ZC3H12A: variants seen among roughly 807,000 people sequenced by gnomAD.
ZC3H12A encodes zinc finger CCCH-type containing 12A, also known as endoribonuclease ZC3H12A.
ZC3H12A carries 9 observed loss-of-function variants against 29.9 expected under a neutral mutation model. The ratio of observed to expected loss-of-function variants is 0.30; its 90% confidence interval spans 0.18 to 0.53. The LOEUF (loss-of-function observed/expected upper bound fraction) is 0.53, where lower values mean the gene tolerates loss of function less well. Ranked by LOEUF, ZC3H12A falls within the 20% of genes least tolerant of loss-of-function variation. ZC3H12A has a pLI of 0.96. For synonymous variants in ZC3H12A, 323 were observed against 338.1 expected (o/e 0.96, Z 0.49); for missense variants, 617 against 799.0 (o/e 0.77, Z 2.75).
chr1:37,481,877 A>AGACTTGGGGTCCACCTCT, intron 4 of ZC3H12A, 42 bp downstream of exon 4: 1 of 1,576,630 alleles, frequency 6.3e-7, no homozygotes, highest in Non-Finnish European at 8.6e-7. Flanking sequence ...TGGGGTCCAC[A>AGACTTGGGGTCCACCTCT]GGGGAAGCCA....
Position 37,475,684 on chromosome 1 carries a change from C to T in ZC3H12A, c.188C>T (p.Thr63Met), listed in dbSNP as rs373194979. 1.9e-4 allele frequency: 302 copies of T among 1,614,024 alleles called. 1 individual carries two copies. Among genetic ancestry groups the T allele is most frequent in the Non-Finnish European group, 2.3e-4 (273 of 1,180,052 alleles). Reference sequence around the variant, plus strand: ...TTCCGGAAGCTGGGCTATTCATCCACGGAGATCCACAGCGTCCTGCAGAAG... The same window carrying T: ...TTCCGGAAGCTGGGCTATTCATCCATGGAGATCCACAGCGTCCTGCAGAAG... ...DFFRKLGYSS[T>M]EIHSVLQKLG... is the part of the protein sequence containing the mutation. Residue 63 changes from threonine (T) to methionine (M), a missense_variant, in exon 2 of 6, where the codon ACG (threonine) becomes ATG (methionine). Around this residue, in one of 5 missense-constraint regions of ZC3H12A, gnomAD observed 255 missense variants for 402.5 expected, o/e 0.63. Coordinates refer to ENST00000373087, the MANE Select transcript of ZC3H12A (RefSeq NM_025079.3). This position sits in a 1 kb window ranked among gnomAD's most constrained non-coding sequence, Gnocchi z 5.2.
rs1218729028 is a variant in ZC3H12A, at chr1:37,475,285, T to G, written c.-38-174T>G. ...TAATGTCTGTGCCTCAGTTTCTCCC[T>G]TTATAGAATGGGAATGGGAATGCCT... On this transcript the variant is annotated intron_variant, in intron 1 of 5. Transcript: ENST00000373087. The surrounding 1 kb of genome is among the most constrained non-coding windows in gnomAD (Gnocchi z 5.2). Among the ~76,000 whole-genome samples the G allele has an allele frequency of 1.3e-5, 2 of 152,218 alleles. No individual in the cohort carries two copies. The highest frequency in any genetic ancestry group is 2.4e-5 in the African/African-American group (1 of 41,454).
Position 37,481,611 on chromosome 1 carries a change from C to A in ZC3H12A, c.594C>A (p.Ile198=), listed in dbSNP as rs1362687009. 1 of 1,614,070 alleles carries A rather than the reference C, an allele frequency of 6.2e-7. No individual in the cohort carries two copies. Among genetic ancestry groups the A allele is most frequent in the Non-Finnish European group, 8.5e-7 (1 of 1,180,030 alleles). ...RPDVPITDQH[I]LRELEKKKIL... Reference sequence around the variant, plus strand: ...CCCGTCACCTCCCAGACCAGCACATCCTGCGGGAACTGGAGAAGAAGAAGA... The same window carrying A: ...CCCGTCACCTCCCAGACCAGCACATACTGCGGGAACTGGAGAAGAAGAAGA... Residue 198 remains isoleucine, a synonymous_variant, in exon 4 of 6, where the codon ATC becomes ATA. Transcript: ENST00000373087.
Position 37,480,424 on chromosome 1 carries a change from T to C in ZC3H12A, c.578T>C (p.Ile193Thr). Reference sequence around the variant, plus strand: ...GAGCAGCCTCGGCCCGACGTGCCCATCACAGGTGAGTGGTGCCTCTGGAGG... The same window carrying C: ...GAGCAGCCTCGGCCCGACGTGCCCACCACAGGTGAGTGGTGCCTCTGGAGG... The part of the protein sequence containing the change: ...RKEQPRPDVP[I>T]TDQHILRELE... Residue 193 changes from isoleucine (I) to threonine (T), a missense_variant, in exon 3 of 6, where the codon ATC becomes ACC. Physicochemically the swap from Ile to Thr is moderately conservative, Grantham distance 89 (BLOSUM62 -1). This residue lies in a region of ZC3H12A where 255 missense variants were observed against 402.5 expected (regional missense o/e 0.63). Coordinates refer to ENST00000373087, the MANE Select transcript of ZC3H12A (RefSeq NM_025079.3). The C allele has an allele frequency of 6.2e-7, 1 of 1,612,126 alleles. No homozygotes were observed. The highest frequency in any genetic ancestry group is 8.5e-7 in the Non-Finnish European group (1 of 1,178,816).
In ZC3H12A at chr1:37,483,554, C is replaced by T. The variant is rs1208900142; in HGVS notation, c.1743C>T (p.Asp581=). The T allele has an allele frequency of 6.8e-5, 110 of 1,613,162 alleles. No individual in the cohort carries two copies. Among genetic ancestry groups the T allele is most frequent in the Non-Finnish European group, 9.1e-5 (107 of 1,179,852 alleles). ...AVMGRFPQLL[D]PQQLAAEILS... ...TGGGGCGCTTCCCACAGCTCCTGGA[C>T]CCCCAGCAGCTGGCTGCCGAGATCC... Residue 581 remains aspartate, a synonymous_variant, in exon 6 of 6, where the codon GAC becomes GAT. Coordinates refer to ENST00000373087, the MANE Select transcript of ZC3H12A (RefSeq NM_025079.3).
rs1451304050 is a variant in ZC3H12A, at chr1:37,482,766, C to T, written c.955C>T (p.Arg319Ter). Residue 319 changes from arginine (R) to a stop codon, truncating the protein, a stop_gained, in exon 6 of 6, where the codon CGA (arginine) becomes TGA (stop). Transcript: ENST00000373087. LOFTEE classifies it low-confidence loss of function (END_TRUNC). ...GRKCTYGIKC[R>*]FFHPERPSCP... ...GAAATGCACCTATGGGATCAAGTGCCGATTCTTCCACCCAGAGCGGCCAAG... is the reference window on the plus strand; with the variant it reads ...GAAATGCACCTATGGGATCAAGTGCTGATTCTTCCACCCAGAGCGGCCAAG... 1.2e-6 allele frequency: 2 copies of T among 1,613,962 alleles called. No individual in the cohort carries two copies. The highest frequency in any genetic ancestry group is 1.7e-6 in the Non-Finnish European group (2 of 1,180,044).
chr1:37,481,653 A>G lies in ZC3H12A; in HGVS notation c.636A>G (p.Pro212=), dbSNP rs766019784. 1.1e-5 allele frequency: 18 copies of G among 1,614,250 alleles called. No individual in the cohort carries two copies. In the East Asian group the frequency reaches 3.6e-4, roughly 32 times the overall value. ...AGAAGAAGATCCTGGTGTTCACACC[A>G]TCACGACGCGTGGGTGGCAAGCGGG... ...LEKKKILVFT[P]SRRVGGKRVV... The change falls in exon 4 of 6, where the codon CCA becomes CCG. Residue 212 remains proline (P), a synonymous_variant. Transcript: ENST00000373087.
chr1:37,479,178 G>A lies in ZC3H12A; in HGVS notation c.444-1112G>A. The A allele has an allele frequency of 1.0e-6, 1 of 985,396 alleles. No individual in the cohort carries two copies. The highest frequency in any genetic ancestry group is 1.2e-6 in the Non-Finnish European group (1 of 829,920). 61.0% of individuals were successfully genotyped at this position (985,396 alleles called of 1,614,324 possible). On this transcript the variant is annotated intron_variant, in intron 2 of 5. Coordinates refer to ENST00000373087, the MANE Select transcript of ZC3H12A (RefSeq NM_025079.3). This position sits in a 1 kb window ranked among gnomAD's most constrained non-coding sequence, Gnocchi z 4.5. ...TCACTGAGGGGGCAGTGAGACGTGG[G>A]GCTGCTGGTCCTAGGAGCTCTTCCA...
chr1:37,482,912 G>A lies in ZC3H12A; in HGVS notation c.1101G>A (p.Leu367=). The change falls in exon 6 of 6, where the codon CTG becomes CTA. Residue 367 remains leucine, a synonymous_variant. Transcript: ENST00000373087. The stretch of plus-strand genomic sequence containing the variant: ...CACCTTCATCCCAGTCCAGCTCTCT[G>A]CTAACAGAGAGTGAGCAGTGCAGCC... ...RPSPSSQSSS[L]LTESEQCSLD... 2 of 1,613,780 alleles carry A rather than the reference G, an allele frequency of 1.2e-6. No homozygotes were observed. Among genetic ancestry groups the A allele is most frequent in the Non-Finnish European group, 1.7e-6 (2 of 1,180,040 alleles).
rs1227958616 is a variant in ZC3H12A, at chr1:37,478,792, G to A, written c.444-1498G>A. 1.0e-6 allele frequency: 1 copy of A among 961,076 alleles called. No individual in the cohort carries two copies. Among genetic ancestry groups the A allele is most frequent in the Admixed American group, 6.2e-5 (1 of 16,240 alleles). 59.5% of individuals were successfully genotyped at this position (961,076 alleles called of 1,614,324 possible). ...TCCTCACAAGCTTGCTGATGATTCA[G>A]TGTTAGACACTTATAACAGGGCCTG... On this transcript the variant is annotated intron_variant, in intron 2 of 5. Coordinates refer to ENST00000373087, the MANE Select transcript of ZC3H12A (RefSeq NM_025079.3). The surrounding 1 kb of genome is among the most constrained non-coding windows in gnomAD (Gnocchi z 5.2).
rs1641707543 is a variant in ZC3H12A at position 37,481,621 on chromosome 1, C to A, written c.604C>A (p.Leu202Met). 2 of 1,614,204 alleles carry A rather than the reference C, an allele frequency of 1.2e-6. No individual in the cohort carries two copies. Among genetic ancestry groups the A allele is most frequent in the Non-Finnish European group, 1.7e-6 (2 of 1,180,034 alleles). Reference protein sequence around the residue: ...PITDQHILRELEKKKILVFTP... With the variant: ...PITDQHILREMEKKKILVFTP... ...CCCAGACCAGCACATCCTGCGGGAA[C>A]TGGAGAAGAAGAAGATCCTGGTGTT... The change falls in exon 4 of 6, where the codon CTG becomes ATG. Residue 202 changes from leucine to methionine, a missense_variant. Physicochemically the swap from Leu to Met is conservative, Grantham distance 15. Coordinates refer to ENST00000373087, the MANE Select transcript of ZC3H12A (RefSeq NM_025079.3).
In ZC3H12A at chr1:37,481,518, G is replaced by A. The variant is rs561265171; in HGVS notation, c.584-83G>A. On this transcript the variant is annotated intron_variant, in intron 3 of 5. Coordinates refer to ENST00000373087, the MANE Select transcript of ZC3H12A (RefSeq NM_025079.3). ...CTTGGCGTTAACCACTCCTGTGTGT[G>A]GCCATCAGCAGGTTAGGGAGCCCTG... 4.2e-5 allele frequency: 57 copies of A among 1,365,384 alleles called. No individual in the cohort carries two copies. In the South Asian group the frequency reaches 5.4e-4, roughly 13 times the overall value. 84.6% of individuals were successfully genotyped at this position (1,365,384 alleles called of 1,614,324 possible). A position where few individuals can be genotyped will look rare whatever the true frequency, so the allele number is the denominator to read the frequency against.
At chr1:37,480,149 C>T (rs1641673272) in intron 2 of ZC3H12A, 141 bp from the exon 3 acceptor site, 2 of 1,413,912 alleles carry the variant, frequency 1.4e-6, no homozygotes. Flanking sequence ...GGGCTGGTGA[C>T]TCCAAAGGGG....
Position 37,478,025 on chromosome 1 carries a change from A to T in ZC3H12A, c.443+2086A>T, listed in dbSNP as rs1427568582. 6.6e-6 allele frequency among the ~76,000 whole-genome samples: 1 copy of T among 152,150 alleles called. No individual in the cohort carries two copies. The highest frequency in any genetic ancestry group is 1.5e-5 in the Non-Finnish European group (1 of 68,012). On this transcript the variant is annotated intron_variant, in intron 2 of 5. Transcript: ENST00000373087. The surrounding 1 kb of genome is among the most constrained non-coding windows in gnomAD (Gnocchi z 5.2). ...TCCCATTAGTTCCCAGTGCTCCAAGATACTAGCCTAGGATCATGTGCCCGG... is the reference window on the plus strand; with the variant it reads ...TCCCATTAGTTCCCAGTGCTCCAAGTTACTAGCCTAGGATCATGTGCCCGG...
At chr1:37,477,430 G>A (rs1382573181) in intron 2 of ZC3H12A, among the ~76,000 whole-genome samples, 1 of 152,162 alleles carries the variant, frequency 6.6e-6, no homozygotes, top group Non-Finnish European at 1.5e-5. Flanking sequence ...GGCAGGAGGG[G>A]AATTCCAGCC....
rs867092742 is a variant in ZC3H12A, at chr1:37,483,013, C to T, written c.1202C>T (p.Ser401Leu). 6.2e-7 allele frequency: 1 copy of T among 1,608,396 alleles called. No individual in the cohort carries two copies. The highest frequency in any genetic ancestry group is 1.3e-5 in the African/African-American group (1 of 74,764). Residue 401 changes from serine to leucine, a missense_variant, in exon 6 of 6, where the codon TCA becomes TTA. Around this residue, in one of 5 missense-constraint regions of ZC3H12A, gnomAD observed 115 missense variants for 112.5 expected, o/e 1.02. Coordinates refer to ENST00000373087, the MANE Select transcript of ZC3H12A (RefSeq NM_025079.3). ...GGTCTAACACAGACCTATGCCCCAT[C>T]AGGCAGGAGCCTCGCACCTAGCGGG... ...QEGLTQTYAP[S>L]GRSLAPSGGS...
At chr1:37,482,646 C>A (rs762422556) in intron 5 of ZC3H12A, 91 bp from the exon 6 acceptor site, 1 of 1,610,250 alleles carries the variant, frequency 6.2e-7, no homozygotes, top group Admixed American at 1.7e-5. Context: ...CATTGGACCA[C>A]CCAACCCCGT....
Position 37,479,336 on chromosome 1 carries a change from C to T in ZC3H12A, c.444-954C>T, listed in dbSNP as rs1247783401. The T allele has an allele frequency of 2.2e-5, 22 of 985,338 alleles. No individual in the cohort carries two copies. Among genetic ancestry groups the T allele is most frequent in the Non-Finnish European group, 2.7e-5 (22 of 829,940 alleles). The allele number at this position is 985,338 out of a possible 1,614,324, so 61.0% of individuals were successfully genotyped here. A position where few individuals can be genotyped will look rare whatever the true frequency, so the allele number is the denominator to read the frequency against. On this transcript the variant is annotated intron_variant, in intron 2 of 5. Coordinates refer to ENST00000373087, the MANE Select transcript of ZC3H12A (RefSeq NM_025079.3). This position sits in a 1 kb window ranked among gnomAD's most constrained non-coding sequence, Gnocchi z 4.5. The stretch of plus-strand genomic sequence containing the variant: ...AAAGCTGTCCCACTGACTGACCCCT[C>T]TTAAGGAAGCTGCAGACTGCTGGGC...
At position 37,478,164 on chromosome 1, in the gene ZC3H12A, G is replaced by C. The variant is rs574441853; in HGVS notation, c.444-2126G>C. ...AGGCAGGCCAGAAGGCCCAAGGAAGGGGGGTGATGTGATGGGGGAAGCACT... is the reference window on the plus strand; with the variant it reads ...AGGCAGGCCAGAAGGCCCAAGGAAGCGGGGTGATGTGATGGGGGAAGCACT... On this transcript the variant is annotated intron_variant, in intron 2 of 5. Transcript: ENST00000373087. This position sits in a 1 kb window ranked among gnomAD's most constrained non-coding sequence, Gnocchi z 5.2. Among the ~76,000 whole-genome samples, 4 of 152,168 alleles carry C rather than the reference G, an allele frequency of 2.6e-5. No individual in the cohort carries two copies. Among genetic ancestry groups the C allele is most frequent in the Admixed American group, 6.5e-5 (1 of 15,282 alleles).
Sources: gnomAD v4.1 joint callset for allele counts (sites outside exome capture counted in the v4.1 genomes callset) on GRCh38, gnomAD v4.1.1 for gene constraint, gnomAD v4.1.1 regional missense constraint, Gnocchi (gnomAD v3.1) non-coding constraint, MANE v1.5 for transcripts, NCBI Gene and HGNC (gene_info 2026-07-23, HGNC 2026-07-21) for gene names.